The following MEMO1 variants were observed in gnomAD, a reference collection of about 807,000 sequenced individuals.
MEMO1 encodes the protein mediator of cell motility 1.
A neutral mutation model predicts 45.2 loss-of-function variants in MEMO1; 6 were observed. That is an observed-to-expected ratio of 0.13 (90% confidence interval 0.07 to 0.26). The LOEUF is 0.26. MEMO1 is among the 10% of genes least tolerant of loss of function. MEMO1 has a pLI of 1.00. For missense variants in MEMO1, 184 were observed against 370.5 expected, an observed-to-expected ratio of 0.50 and a Z score of 4.13; for synonymous variants, 78 against 124.3, an observed-to-expected ratio of 0.63 and a Z score of 2.48.
rs1674684190 is a variant in MEMO1 at position 32,010,176 on chromosome 2, T to TG, written c.61+10dup. The TG allele has an allele frequency of 7.2e-7, 1 of 1,391,730 alleles. No homozygotes were observed. The highest frequency in any genetic ancestry group is 9.5e-7 in the Non-Finnish European group (1 of 1,053,118). The allele number at this position is 1,391,730 out of a possible 1,614,324, so 86.2% of individuals were successfully genotyped here. A position where few individuals can be genotyped will look rare whatever the true frequency, so the allele number is the denominator to read the frequency against. On this transcript the variant is annotated intron_variant, in intron 2 of 9. Transcript: ENST00000404530. ...GACGGCGGCGGGCGGGCCGGCGGCC[T>TG]GGGGCCCTACCTGAGGCTGTGTACC...
chr2:31,871,833 G>A (rs1222135909), intron 8 of MEMO1, among the ~76,000 whole-genome samples: 1 of 152,064 alleles, frequency 6.6e-6, no homozygotes, highest in Non-Finnish European at 1.5e-5. Context: ...GGCCAACATG[G>A]TGAAACCCTA....
At chr2:31,987,996 A>G (rs973643046) in intron 2 of MEMO1, among the ~76,000 whole-genome samples, 1 of 151,994 alleles carries the variant, frequency 6.6e-6, no homozygotes, top group Non-Finnish European at 1.5e-5. Context: ...TGGAAGGAGT[A>G]TGCGCAGAGT....
At chr2:31,956,361 C>A (rs1426253929) in intron 2 of MEMO1, among the ~76,000 whole-genome samples, 1 of 151,092 alleles carries the variant, frequency 6.6e-6, no homozygotes, top group African/African-American at 2.4e-5. Flanking sequence ...AAAGGAGTTT[C>A]TTAAGAGAAA....
chr2:31,996,442 G>A (rs1398973523), intron 2 of MEMO1, among the ~76,000 whole-genome samples: 2 of 152,018 alleles, frequency 1.3e-5, no homozygotes, highest in Non-Finnish European at 2.9e-5. Context: ...GCTGAGGGAG[G>A]CTAAGGCAGG....
chr2:31,870,980 A>C (rs1163214541), intron 8 of MEMO1, among the ~76,000 whole-genome samples: 1 of 152,196 alleles, frequency 6.6e-6, no homozygotes, highest in African/African-American at 2.4e-5. Flanking sequence ...TTAATACATA[A>C]TAAAATTTGT....
chr2:31,983,425 C>G (rs1278331639), intron 2 of MEMO1, among the ~76,000 whole-genome samples: 3 of 152,010 alleles, frequency 2.0e-5, no homozygotes, highest in Non-Finnish European at 4.4e-5. Flanking sequence ...ATGCCCAAAT[C>G]TTAGTTTTTT....
intron 2 of MEMO1, among the ~76,000 whole-genome samples, chr2:31,950,064 C>A (rs1156563551): frequency 6.6e-6 from 1 of 152,152 alleles, no homozygotes; most frequent in South Asian, 2.1e-4. Flanking sequence ...CACTTATTGG[C>A]AGAGTTCTTT....
At chr2:31,925,700 G>A (rs1345922012) in intron 4 of MEMO1, among the ~76,000 whole-genome samples, 2 of 152,026 alleles carry the variant, frequency 1.3e-5, no homozygotes, top group Non-Finnish European at 2.9e-5. Flanking sequence ...TGCACTTATG[G>A]TGCAAAGGTG....
chr2:31,993,106 G>A (rs1046344945), intron 2 of MEMO1, among the ~76,000 whole-genome samples: 1 of 152,134 alleles, frequency 6.6e-6, no homozygotes, highest in Non-Finnish European at 1.5e-5. Flanking sequence ...CAAGGAATTT[G>A]AGACTGCAGC....
chr2:31,966,818 A>C (rs1299252400), intron 2 of MEMO1, among the ~76,000 whole-genome samples: 1 of 152,116 alleles, frequency 6.6e-6, no homozygotes, highest in East Asian at 1.9e-4. Context: ...CAACCTGAGT[A>C]AACACTGCCA....
chr2:31,933,354 TA>T (rs1558514418), intron 3 of MEMO1, among the ~76,000 whole-genome samples: 10 of 17,148 alleles, frequency 5.8e-4, no homozygotes, highest in Non-Finnish European at 8.6e-4. Context: ...AAAAAATTTA[TA>T]TATATATATA....
intron 2 of MEMO1, among the ~76,000 whole-genome samples, chr2:31,991,343 G>A (rs1671920768): frequency 6.6e-6 from 1 of 152,140 alleles, no homozygotes; most frequent in Non-Finnish European, 1.5e-5. Flanking sequence ...GAGCCGAGGT[G>A]GGAGGATCAT....
At chr2:31,874,932 T>C (rs1182908937) in intron 8 of MEMO1, among the ~76,000 whole-genome samples, 5 of 150,102 alleles carry the variant, frequency 3.3e-5, no homozygotes, top group African/African-American at 9.8e-5. Flanking sequence ...TATATATACA[T>C]AGGTAATATA....
chr2:31,952,698 TTTA>T (rs1184051661), intron 2 of MEMO1, among the ~76,000 whole-genome samples: 1 of 152,186 alleles, frequency 6.6e-6, no homozygotes, highest in Non-Finnish European at 1.5e-5. Flanking sequence ...GATCAAAATA[TTTA>T]TTTTTGCTTG....
At chr2:31,996,126 G>A (rs1672566233) in intron 2 of MEMO1, among the ~76,000 whole-genome samples, 1 of 151,902 alleles carries the variant, frequency 6.6e-6, no homozygotes, top group East Asian at 1.9e-4. Flanking sequence ...CAGGCATGGT[G>A]GCTCATGCCT....
intron 3 of MEMO1, among the ~76,000 whole-genome samples, chr2:31,933,335 AAAAAAAAAAAAAAATT>A (rs1442811216): frequency 5.5e-4 from 35 of 63,762 alleles, no homozygotes; most frequent in African/African-American, 2.4e-3. Flanking sequence ...AAAAAAAAAA[AAAAAAAAAAAAAAATT>A]TATATATATA....
At chr2:31,970,623 C>T (rs1303284195) in intron 2 of MEMO1, among the ~76,000 whole-genome samples, 1 of 151,430 alleles carries the variant, frequency 6.6e-6, no homozygotes, top group Non-Finnish European at 1.5e-5. Context: ...ATCATTCCCA[C>T]CAGGATGAAG....
chr2:31,893,619 C>G (rs539552940), intron 6 of MEMO1, among the ~76,000 whole-genome samples: 1 of 152,192 alleles, frequency 6.6e-6, no homozygotes, highest in African/African-American at 2.4e-5. Context: ...AGTGCCATCC[C>G]CACCACATAC....
At chr2:31,946,771 A>G (rs1010133538) in intron 2 of MEMO1, among the ~76,000 whole-genome samples, 1 of 152,132 alleles carries the variant, frequency 6.6e-6, no homozygotes, top group African/African-American at 2.4e-5. Flanking sequence ...GCTGAGGCAC[A>G]GGAATCACTT....
Sources: gnomAD v4.1 joint callset for allele counts (sites outside exome capture counted in the v4.1 genomes callset) on GRCh38, gnomAD v4.1.1 for gene constraint, MANE v1.5 for transcripts, NCBI Gene and HGNC (gene_info 2026-07-23, HGNC 2026-07-21) for gene names.